The following LHFPL3 variants were observed in gnomAD, a reference collection of about 807,000 sequenced individuals.
The protein encoded by LHFPL3 is LHFPL tetraspan subfamily member 3 protein.
In LHFPL3, 5 loss-of-function variants were observed where a neutral mutation model predicts 19.3. The observed-to-expected ratio is 0.26, with a 90% confidence interval of 0.14 to 0.54. The LOEUF is 0.54. Ranked by LOEUF, LHFPL3 falls within the 20% of genes least tolerant of loss-of-function variation. The pLI is 0.94. For missense variants in LHFPL3, 249 were observed against 307.4 expected, an observed-to-expected ratio of 0.81 and a Z score of 1.42; for synonymous variants, 133 against 126.2, an observed-to-expected ratio of 1.05 and a Z score of -0.36.
intron 2 of LHFPL3, among the ~76,000 whole-genome samples, chr7:104,795,809 C>T (rs1790112129): frequency 6.6e-6 from 1 of 152,208 alleles, no homozygotes; most frequent in Non-Finnish European, 1.5e-5. Context: ...TCCTAGATTA[C>T]TCATAGCTTT....
At chr7:104,551,265 T>C (rs561951613) in intron 1 of LHFPL3, among the ~76,000 whole-genome samples, 2 of 152,332 alleles carry the variant, frequency 1.3e-5, no homozygotes, top group Admixed American at 6.5e-5. Flanking sequence ...GGGAAAAGAA[T>C]AGATTTGCAT....
rs1343869581 is a variant in LHFPL3, at chr7:104,591,072, G to T, written c.446-145603G>T. ...TGGGTCCTGACTCTTTATCCAATTT[G>T]CCAGTCTGTGTCTTTTAATTGGAGT... On this transcript the variant is annotated intron_variant, in intron 1 of 2. Transcript: ENST00000424859. Among the ~76,000 whole-genome samples the T allele has an allele frequency of 3.3e-5, 5 of 152,214 alleles. No individual in the cohort carries two copies. In the South Asian group the frequency reaches 8.3e-4, roughly 25 times the overall value.
chr7:104,885,070 G>C (rs192734606), intron 2 of LHFPL3, among the ~76,000 whole-genome samples: 4 of 152,222 alleles, frequency 2.6e-5, no homozygotes, highest in Non-Finnish European at 5.9e-5. Flanking sequence ...TGTAGGTGCA[G>C]CGTGGACTAG....
In LHFPL3 at chr7:104,605,871, G is replaced by GAA. The variant is rs11443804; in HGVS notation, c.446-130794_446-130793dup. Among the ~76,000 whole-genome samples the GAA allele has an allele frequency of 8.6e-3, 1,268 of 147,258 alleles. 13 individuals are homozygous for GAA. Among genetic ancestry groups the GAA allele is most frequent in the African/African-American group, 0.025 (1,008 of 40,340 alleles). ...TTGGTCAAAATCAAAATGATGGTCTGAAAAAAAAAAACAACAAGAAATATT... is the reference window on the plus strand; with the variant it reads ...TTGGTCAAAATCAAAATGATGGTCTGAAAAAAAAAAAAACAACAAGAAATATT... On this transcript the variant is annotated intron_variant, in intron 1 of 2. Coordinates refer to ENST00000424859, the MANE Select transcript of LHFPL3 (RefSeq NM_199000.3).
intron 2 of LHFPL3, among the ~76,000 whole-genome samples, chr7:104,776,917 G>A (rs1794645496): frequency 6.6e-6 from 1 of 152,152 alleles, no homozygotes; most frequent in Non-Finnish European, 1.5e-5. Flanking sequence ...TGATTCAACT[G>A]CAAAAAGCCT....
At chr7:104,629,813 T>C (rs1233756311) in intron 1 of LHFPL3, among the ~76,000 whole-genome samples, 1 of 152,226 alleles carries the variant, frequency 6.6e-6, no homozygotes, top group Non-Finnish European at 1.5e-5. Flanking sequence ...GACACAATGT[T>C]GCAGCCACAT....
chr7:104,400,150 C>T (rs1420995836), intron 1 of LHFPL3, among the ~76,000 whole-genome samples: 3 of 69,266 alleles, frequency 4.3e-5, no homozygotes, highest in Non-Finnish European at 9.5e-5. Flanking sequence ...AAAAAAAAGA[C>T]TCTACAGGAG....
At chr7:104,347,328 C>T (rs549305644) in intron 1 of LHFPL3, among the ~76,000 whole-genome samples, 1 of 152,184 alleles carries the variant, frequency 6.6e-6, no homozygotes, top group African/African-American at 2.4e-5. Flanking sequence ...AAGGTCAGTC[C>T]TTTCCATACT....
chr7:104,558,634 G>A (rs1400632222), intron 1 of LHFPL3, among the ~76,000 whole-genome samples: 9 of 150,912 alleles, frequency 6.0e-5, no homozygotes, highest in Middle Eastern at 3.2e-3. Flanking sequence ...TAGGTTGCCT[G>A]TTCACTCTGA....
At chr7:104,364,988 C>G (rs1790456638) in intron 1 of LHFPL3, among the ~76,000 whole-genome samples, 1 of 152,030 alleles carries the variant, frequency 6.6e-6, no homozygotes, top group African/African-American at 2.4e-5. Context: ...GGATTTCTAC[C>G]ATTTAAAGGT....
At chr7:104,571,881 G>A (rs939251416) in intron 1 of LHFPL3, among the ~76,000 whole-genome samples, 4 of 152,016 alleles carry the variant, frequency 2.6e-5, no homozygotes, top group African/African-American at 7.3e-5. Context: ...TTCTATTTTG[G>A]CAAAATCTTT....
chr7:104,819,774 C>T (rs189657286), intron 2 of LHFPL3, among the ~76,000 whole-genome samples: 104 of 152,288 alleles, frequency 6.8e-4, no homozygotes, highest in African/African-American at 2.4e-3. Context: ...AGGGATTCCA[C>T]ACCACATTTA....
At chr7:104,584,201 C>T (rs535502137) in intron 1 of LHFPL3, among the ~76,000 whole-genome samples, 1 of 152,074 alleles carries the variant, frequency 6.6e-6, no homozygotes, top group East Asian at 1.9e-4. Flanking sequence ...AGCAACCTAT[C>T]GCAAGGACAA....
At chr7:104,584,238 C>A (rs1790519234) in intron 1 of LHFPL3, among the ~76,000 whole-genome samples, 2 of 151,394 alleles carry the variant, frequency 1.3e-5, no homozygotes, top group African/African-American at 4.9e-5. Context: ...TGTTCTAACT[C>A]ATAGGTGGGA....
At chr7:104,857,727 G>T (rs1322984927) in intron 2 of LHFPL3, among the ~76,000 whole-genome samples, 1 of 152,200 alleles carries the variant, frequency 6.6e-6, no homozygotes, top group South Asian at 2.1e-4. Context: ...CTGGAGAATT[G>T]TAATTTTTAA....
rs536122769 is a variant in LHFPL3, at chr7:104,343,512, C to CAAAAAAAAAAAAAA, written c.445+14314_445+14327dup. Among the ~76,000 whole-genome samples, 6 of 47,474 alleles carry CAAAAAAAAAAAAAA rather than the reference C, an allele frequency of 1.3e-4. 1 individual carries two copies. Among genetic ancestry groups the CAAAAAAAAAAAAAA allele is most frequent in the Non-Finnish European group, 2.5e-4 (6 of 24,042 alleles). 31.1% of individuals were successfully genotyped at this position (47,474 alleles called of 152,430 possible). A position where few individuals can be genotyped will look rare whatever the true frequency, so the allele number is the denominator to read the frequency against. On this transcript the variant is annotated intron_variant, in intron 1 of 2. Transcript: ENST00000424859. ...TGGGCAACAGAGTGAGACTCTGTCTCAAAAAAAAAAAAAAAAAAAAAAAAA... is the reference window on the plus strand; with the variant it reads ...TGGGCAACAGAGTGAGACTCTGTCTCAAAAAAAAAAAAAAAAAAAAAAAAAAAAAAAAAAAAAAA...
At chr7:104,488,972 C>T (rs1288801557) in intron 1 of LHFPL3, among the ~76,000 whole-genome samples, 2 of 151,490 alleles carry the variant, frequency 1.3e-5, no homozygotes, top group Admixed American at 6.6e-5. Context: ...GCATGTGACC[C>T]GTGTAGTCAC....
chr7:104,401,255 T>C (rs1300514790), intron 1 of LHFPL3, among the ~76,000 whole-genome samples: 2 of 152,238 alleles, frequency 1.3e-5, no homozygotes, highest in East Asian at 3.8e-4. Flanking sequence ...AATTAGTGTA[T>C]AAGGCTCCAT....
chr7:104,692,702 G>T (rs1359935244), intron 1 of LHFPL3, among the ~76,000 whole-genome samples: 1 of 152,250 alleles, frequency 6.6e-6, no homozygotes, highest in African/African-American at 2.4e-5. Context: ...ATTGAGGTTT[G>T]GGGACCTCTA....
Sources: gnomAD v4.1 joint callset for allele counts (sites outside exome capture counted in the v4.1 genomes callset) on GRCh38, gnomAD v4.1.1 for gene constraint, MANE v1.5 for transcripts, NCBI Gene and HGNC (gene_info 2026-07-23, HGNC 2026-07-21) for gene names.